Variants in XRCC4 observed in about 807,000 individuals in gnomAD.
The protein encoded by XRCC4 is X-ray repair cross complementing 4, also known as DNA repair protein XRCC4.
XRCC4 carries 28 observed loss-of-function variants against 39.1 expected under a neutral mutation model. The observed-to-expected ratio is 0.72, with a 90% CI of 0.53 to 0.98. The LOEUF is 0.98. XRCC4 is among the 50% of genes least tolerant of loss of function. The probability of loss-of-function intolerance (pLI) is 0.00; values close to 1 mark genes in which losing one functional copy is unlikely to be tolerated. For missense variants in XRCC4, 350 were observed against 376.4 expected (o/e 0.93, Z 0.58); for synonymous variants, 123 against 126.4 (o/e 0.97, Z 0.18).
At chr5:83,200,288 C>T (rs1354612765) in intron 4 of XRCC4, among the ~76,000 whole-genome samples, 5 of 152,102 alleles carry the variant, frequency 3.3e-5, no homozygotes, top group African/African-American at 9.7e-5. Flanking sequence ...ACTTTTTCTC[C>T]AGTCAGCTCC....
chr5:83,325,656 C>T (rs1421037023), intron 7 of XRCC4, among the ~76,000 whole-genome samples: 1 of 152,116 alleles, frequency 6.6e-6, no homozygotes, highest in Non-Finnish European at 1.5e-5. Flanking sequence ...TTTTTTGCGA[C>T]TGCATAGTAT....
intron 7 of XRCC4, among the ~76,000 whole-genome samples, chr5:83,325,615 C>T (rs954423841): frequency 6.6e-6 from 1 of 152,126 alleles, no homozygotes; most frequent in Non-Finnish European, 1.5e-5. Context: ...CCAACTCTGT[C>T]CATGCACCTG....
the XRCC4 span, among the ~76,000 whole-genome samples, chr5:83,369,239 T>C: frequency 1.3e-5 from 2 of 152,150 alleles, no homozygotes; most frequent in Non-Finnish European, 2.9e-5. Context: ...TTTTACTTTC[T>C]TTGTTTTCTT....
At chr5:83,184,381 A>G (rs184719301) in intron 3 of XRCC4, among the ~76,000 whole-genome samples, 1 of 152,044 alleles carries the variant, frequency 6.6e-6, no homozygotes, top group Non-Finnish European at 1.5e-5. Flanking sequence ...CAATCATGCT[A>G]TTTCATCAAA....
At chr5:83,205,943 A>T (rs564310215) in intron 6 of XRCC4, among the ~76,000 whole-genome samples, 1 of 152,244 alleles carries the variant, frequency 6.6e-6, no homozygotes, top group Admixed American at 6.5e-5. Flanking sequence ...AAACAAAAAA[A>T]CACTAAGTAC....
At chr5:83,213,834 C>T (rs937092385) in intron 6 of XRCC4, among the ~76,000 whole-genome samples, 1 of 152,126 alleles carries the variant, frequency 6.6e-6, no homozygotes, top group Non-Finnish European at 1.5e-5. Context: ...CAAAAAGCAA[C>T]CAGCTCCATA....
At chr5:83,115,450 C>CAAAA (rs368143338) in intron 3 of XRCC4, among the ~76,000 whole-genome samples, 1 of 151,932 alleles carries the variant, frequency 6.6e-6, no homozygotes, top group East Asian at 1.9e-4. Flanking sequence ...AACAAACAAA[C>CAAAA]AAAAAAACAA....
At chr5:83,357,109 A>G (rs1757198282), downstream of XRCC4, among the ~76,000 whole-genome samples, 1 of 152,214 alleles carries the variant, frequency 6.6e-6, no homozygotes, top group Non-Finnish European at 1.5e-5. Flanking sequence ...TTTATTAAGG[A>G]TCAGCTATGC....
chr5:83,283,526 C>G (rs575873116), intron 7 of XRCC4, among the ~76,000 whole-genome samples: 7 of 152,226 alleles, frequency 4.6e-5, no homozygotes, highest in Non-Finnish European at 7.4e-5. Context: ...TAAAACAGGT[C>G]CAAAAGCTCT....
chr5:83,297,488 T>C (rs181159636), intron 7 of XRCC4, among the ~76,000 whole-genome samples: 1 of 152,138 alleles, frequency 6.6e-6, no homozygotes, highest in African/African-American at 2.4e-5. Context: ...ACATTTTCTC[T>C]TGAGTTTTCT....
intron 3 of XRCC4, among the ~76,000 whole-genome samples, chr5:83,123,854 ATATCT>A (rs761837763): frequency 8.6e-4 from 131 of 152,048 alleles, no homozygotes; most frequent in Non-Finnish European, 1.0e-3. Context: ...TTACTTCTAC[ATATCT>A]TATACACTTC....
chr5:83,359,954 A>C, the XRCC4 span, among the ~76,000 whole-genome samples: 1 of 152,164 alleles, frequency 6.6e-6, no homozygotes, highest in South Asian at 2.1e-4. Context: ...TCTTCTAATC[A>C]CTGACAGATT....
the XRCC4 span, among the ~76,000 whole-genome samples, chr5:83,365,511 A>T: frequency 6.6e-6 from 1 of 152,168 alleles, no homozygotes; most frequent in Non-Finnish European, 1.5e-5. Context: ...GTCATGGGAA[A>T]GCGTGATGTC....
At chr5:83,279,272 A>G (rs907448844) in intron 7 of XRCC4, among the ~76,000 whole-genome samples, 2 of 151,770 alleles carry the variant, frequency 1.3e-5, no homozygotes. Context: ...CAGAGCAGCC[A>G]GAATACATAG....
At chr5:83,282,225 A>G (rs1754567686) in intron 7 of XRCC4, among the ~76,000 whole-genome samples, 2 of 152,162 alleles carry the variant, frequency 1.3e-5, no homozygotes, top group Admixed American at 1.3e-4. Flanking sequence ...TGAGTGCCTT[A>G]AAACCGTTTG....
chr5:83,314,078 C>T (rs1755799400), intron 7 of XRCC4, among the ~76,000 whole-genome samples: 1 of 151,894 alleles, frequency 6.6e-6, no homozygotes, highest in South Asian at 2.1e-4. Context: ...AAATACCTCC[C>T]CTTTCATTCT....
intron 7 of XRCC4, among the ~76,000 whole-genome samples, chr5:83,299,807 C>A (rs559871555): frequency 2.6e-5 from 4 of 151,942 alleles, no homozygotes; most frequent in East Asian, 3.9e-4. Context: ...TCTTTTATTT[C>A]TTTAAGTATC....
chr5:83,212,206 G>C (rs1751676285), intron 6 of XRCC4, among the ~76,000 whole-genome samples: 2 of 152,028 alleles, frequency 1.3e-5, no homozygotes, highest in Non-Finnish European at 2.9e-5. Flanking sequence ...CCCTAAAGGA[G>C]AGTACGATAT....
At chr5:83,190,975 C>G (rs886355349) in intron 3 of XRCC4, among the ~76,000 whole-genome samples, 1 of 152,068 alleles carries the variant, frequency 6.6e-6, no homozygotes, top group African/African-American at 2.4e-5. Flanking sequence ...CCTTACCTAT[C>G]CTATTGTAGT....
Sources: allele counts gnomAD v4.1 joint callset (sites outside exome capture counted in the v4.1 genomes callset), GRCh38; gene constraint gnomAD v4.1.1; transcripts MANE v1.5; gene names NCBI Gene and HGNC (gene_info 2026-07-23, HGNC 2026-07-21).